Variants in CTNNA2 observed in about 807,000 individuals in gnomAD.
CTNNA2 encodes catenin alpha 2, also known as catenin alpha-2.
CTNNA2 carries 42 observed loss-of-function variants against 101.0 expected under a neutral mutation model. That is an observed-to-expected ratio of 0.42 (90% CI 0.32 to 0.54). The LOEUF (loss-of-function observed/expected upper bound fraction) is 0.54, where lower values mean the gene tolerates loss of function less well. CTNNA2 is among the 20% of genes least tolerant of loss of function. The pLI is 0.14. For missense variants in CTNNA2, 871 were observed against 1,223.1 expected (o/e 0.71, Z 4.29); for synonymous variants, 450 against 456.4 (o/e 0.99, Z 0.18).
chr2:79,864,945 G>A (rs967838518), intron 4 of CTNNA2, among the ~76,000 whole-genome samples: 1 of 152,092 alleles, frequency 6.6e-6, no homozygotes, highest in Non-Finnish European at 1.5e-5. Context: ...GACTAAATAA[G>A]ATAGACGTAA....
intron 7 of CTNNA2, among the ~76,000 whole-genome samples, chr2:80,174,914 C>A (rs926122767): frequency 1.5e-4 from 23 of 152,100 alleles, no homozygotes; most frequent in African/African-American, 5.6e-4. Flanking sequence ...ATTAGCAACC[C>A]CTCTGGCCTT....
At chr2:80,215,211 C>T (rs1195215957) in intron 7 of CTNNA2, among the ~76,000 whole-genome samples, 1 of 152,090 alleles carries the variant, frequency 6.6e-6, no homozygotes, top group Non-Finnish European at 1.5e-5. Flanking sequence ...GAACATCCTC[C>T]TTTAGTTCGG....
chr2:79,930,294 GAGAAAGAAAGAAAGAAAGAAAGAA>G lies in CTNNA2; in HGVS notation c.1056+20538_1056+20561del, dbSNP rs764326702. Among the ~76,000 whole-genome samples the G allele has an allele frequency of 5.5e-3, 671 of 122,040 alleles. 10 individuals carry two copies. Among genetic ancestry groups the G allele is most frequent in the African/African-American group, 0.018 (566 of 31,790 alleles). The allele number at this position is 122,040 out of a possible 152,430, so 80.1% of individuals were successfully genotyped here. ...AGAAAGAAAGAGAGAGAGAGAGAAA[GAGAAAGAAAGAAAGAAAGAAAGAA>G]AGAAAGAAAGAAAGAAAGAAAGAAA... On this transcript the variant is annotated intron_variant, in intron 7 of 18. Coordinates refer to ENST00000402739, the MANE Select transcript of CTNNA2 (RefSeq NM_001282597.3).
chr2:79,242,503 A>C (rs1436860663), intron 2 of CTNNA2, among the ~76,000 whole-genome samples: 2 of 152,068 alleles, frequency 1.3e-5, no homozygotes, highest in African/African-American at 4.8e-5. Flanking sequence ...TCTGGAAATA[A>C]ATTGCCAATA....
At chr2:79,541,410 A>G (rs1470835829) in intron 1 of CTNNA2, among the ~76,000 whole-genome samples, 1 of 60,564 alleles carries the variant, frequency 1.7e-5, no homozygotes, top group East Asian at 4.4e-4. Context: ...ATATACACAT[A>G]CACACACGCA....
intron 9 of CTNNA2, among the ~76,000 whole-genome samples, chr2:80,507,464 A>G (rs1296761436): frequency 6.6e-6 from 1 of 152,216 alleles, no homozygotes; most frequent in Non-Finnish European, 1.5e-5. Context: ...TCGATGTTTC[A>G]AGAGAAAAAT....
At chr2:80,357,879 AT>A (rs142073817) in intron 7 of CTNNA2, among the ~76,000 whole-genome samples, 4,394 of 152,004 alleles carry the variant, frequency 0.029, 111 homozygotes, top group African/African-American at 0.065. Context: ...TCTAAAATTG[AT>A]TTTTTTTATT....
intron 7 of CTNNA2, among the ~76,000 whole-genome samples, chr2:79,974,495 GT>G (rs1690701103): frequency 1.3e-5 from 2 of 152,140 alleles, no homozygotes; most frequent in Admixed American, 1.3e-4. Flanking sequence ...CTCTAACCAA[GT>G]CTCAAACTGA....
At chr2:79,968,680 TC>T (rs1286919251) in intron 7 of CTNNA2, among the ~76,000 whole-genome samples, 1 of 151,244 alleles carries the variant, frequency 6.6e-6, no homozygotes, top group Non-Finnish European at 1.5e-5. Context: ...ATATAAACAA[TC>T]CCCCCACACA....
At chr2:79,892,667 A>T (rs1010016995) in intron 6 of CTNNA2, among the ~76,000 whole-genome samples, 1 of 152,228 alleles carries the variant, frequency 6.6e-6, no homozygotes, top group Non-Finnish European at 1.5e-5. Context: ...ACAGACAGAG[A>T]TCTGCATAAT....
In CTNNA2 at chr2:79,404,475, C is replaced by T. The variant is rs115761511; in HGVS notation, c.-135+30462C>T. On this transcript the variant is annotated intron_variant, in intron 4 of 21. Transcript: ENST00000466387. ...TTGTAAGCTTTTTAAAATATATATA[C>T]AAATTTCATGCATGGACACTTCATT... is the stretch of plus-strand genomic sequence containing the variant. 3.0e-3 allele frequency among the ~76,000 whole-genome samples: 449 copies of T among 152,120 alleles called. 2 individuals carry two copies. Among genetic ancestry groups the T allele is most frequent in the African/African-American group, 9.9e-3 (409 of 41,520 alleles).
intron 3 of CTNNA2, among the ~76,000 whole-genome samples, chr2:79,770,003 T>A (rs1366291243): frequency 6.6e-6 from 1 of 152,198 alleles, no homozygotes; most frequent in Non-Finnish European, 1.5e-5. Context: ...TAATTTTAAA[T>A]TGTTACCTTA....
chr2:79,559,075 A>C (rs1558729241), intron 1 of CTNNA2, among the ~76,000 whole-genome samples: 1 of 151,950 alleles, frequency 6.6e-6, no homozygotes, highest in Non-Finnish European at 1.5e-5. Context: ...AAAAATTTTG[A>C]TGAATGAATG....
At chr2:79,405,001 A>G (rs1217922426) in intron 4 of CTNNA2, among the ~76,000 whole-genome samples, 1 of 152,102 alleles carries the variant, frequency 6.6e-6, no homozygotes, top group Non-Finnish European at 1.5e-5. Flanking sequence ...GGTTTTAAGT[A>G]TATTTATGAA....
chr2:79,847,326 C>G (rs1173485304), intron 3 of CTNNA2, among the ~76,000 whole-genome samples: 1 of 151,960 alleles, frequency 6.6e-6, no homozygotes, highest in Non-Finnish European at 1.5e-5. Flanking sequence ...GAGTGGATCA[C>G]AAGGTCAGGA....
intron 7 of CTNNA2, among the ~76,000 whole-genome samples, chr2:79,960,770 A>G (rs565719658): frequency 1.2e-3 from 181 of 152,274 alleles, no homozygotes; most frequent in African/African-American, 4.1e-3. Flanking sequence ...TACAACCACC[A>G]ACTGATACAA....
At position 80,068,719 on chromosome 2, in the gene CTNNA2, C is replaced by G. The variant is rs193137709; in HGVS notation, c.1056+158922C>G. 2.6e-3 allele frequency among the ~76,000 whole-genome samples: 397 copies of G among 152,230 alleles called. 2 individuals carry two copies. The highest frequency in any genetic ancestry group is 9.0e-3 in the African/African-American group (375 of 41,530). On this transcript the variant is annotated intron_variant, in intron 7 of 18. Coordinates refer to ENST00000402739, the MANE Select transcript of CTNNA2 (RefSeq NM_001282597.3). ...TGAGGGTAGGAAAAAGGAAAAAAGT[C>G]AGAAACAGTGACTGGCCAGTTTGAA...
intron 7 of CTNNA2, among the ~76,000 whole-genome samples, chr2:79,947,230 G>A (rs181360716): frequency 6.6e-6 from 1 of 152,208 alleles, no homozygotes; most frequent in East Asian, 1.9e-4. Flanking sequence ...ACTCCTTAAT[G>A]AGCACATTTT....
chr2:79,400,242 G>A (rs1032152803), intron 4 of CTNNA2, among the ~76,000 whole-genome samples: 6 of 151,976 alleles, frequency 3.9e-5, no homozygotes, highest in African/African-American at 1.4e-4. Flanking sequence ...TTTGAGTTCT[G>A]ATTGTCCTTT....
Sources: gnomAD v4.1 joint callset for allele counts (sites outside exome capture counted in the v4.1 genomes callset) on GRCh38, gnomAD v4.1.1 for gene constraint, MANE v1.5 for transcripts, NCBI Gene and HGNC (gene_info 2026-07-23, HGNC 2026-07-21) for gene names.